The following ALCAM variants were observed in gnomAD, a reference collection of about 807,000 sequenced individuals.
ALCAM encodes the protein activated leukocyte cell adhesion molecule.
Under a neutral mutation model 70.9 loss-of-function variants are expected in ALCAM, and 30 were observed. The observed-to-expected ratio is 0.42, with a 90% CI of 0.32 to 0.57. The LOEUF (loss-of-function observed/expected upper bound fraction) is 0.57, where lower values mean the gene tolerates loss of function less well. Ranked by LOEUF, ALCAM falls within the 20% of genes least tolerant of loss-of-function variation. ALCAM has a pLI of 0.11. For synonymous variants in ALCAM, 249 were observed against 242.5 expected (o/e 1.03, Z -0.25); for missense variants, 591 against 695.1 (o/e 0.85, Z 1.68).
intron 1 of ALCAM, among the ~76,000 whole-genome samples, chr3:105,378,632 T>G (rs1408526843): frequency 9.0e-6 from 1 of 111,524 alleles, no homozygotes; most frequent in Non-Finnish European, 2.2e-5. Context: ...TCAAATAGTT[T>G]TTTTTTTTTT....
intron 1 of ALCAM, among the ~76,000 whole-genome samples, chr3:105,430,906 G>C (rs1936913714): frequency 6.6e-6 from 1 of 151,910 alleles, no homozygotes; most frequent in Admixed American, 6.6e-5. Context: ...ATGAATTATA[G>C]TCCATTACTA....
chr3:105,432,619 G>A (rs1325357578), intron 1 of ALCAM, among the ~76,000 whole-genome samples: 1 of 151,976 alleles, frequency 6.6e-6, no homozygotes, highest in East Asian at 1.9e-4. Context: ...CCTCATATGG[G>A]TTTTAATGAG....
intron 1 of ALCAM, among the ~76,000 whole-genome samples, chr3:105,461,801 T>G (rs1486737179): frequency 6.6e-6 from 1 of 151,712 alleles, no homozygotes; most frequent in Non-Finnish European, 1.5e-5. Flanking sequence ...TACATAGAAA[T>G]ATTAATTAAT....
At chr3:105,550,346 T>C (rs1350885433) in intron 12 of ALCAM, 87 bp downstream of exon 12, 12 of 1,281,416 alleles carry the variant, frequency 9.4e-6, no homozygotes, top group Non-Finnish European at 1.3e-5. Flanking sequence ...CATCTTCCTG[T>C]ACTGCATTAT....
intron 14 of ALCAM, 109 bp from the exon 15 acceptor site, chr3:105,571,743 C>T: frequency 1.2e-6 from 1 of 818,082 alleles, no homozygotes. Context: ...TAGCGGTTTG[C>T]TGTAAAACAT....
intron 1 of ALCAM, among the ~76,000 whole-genome samples, chr3:105,501,022 A>G (rs576756652): frequency 6.6e-6 from 1 of 152,286 alleles, no homozygotes; most frequent in African/African-American, 2.4e-5. Context: ...TACTCTTTAC[A>G]TTGAATCTCT....
At chr3:105,433,814 A>G (rs1447147785) in intron 1 of ALCAM, among the ~76,000 whole-genome samples, 1 of 150,724 alleles carries the variant, frequency 6.6e-6, no homozygotes, top group Non-Finnish European at 1.5e-5. Flanking sequence ...ACTGGATTAT[A>G]GACAGTGCAT....
chr3:105,541,507 G>A (rs1940114613), intron 7 of ALCAM, 126 bp from the exon 8 acceptor site: 1 of 1,014,482 alleles, frequency 9.9e-7, no homozygotes, highest in Non-Finnish European at 1.4e-6. Flanking sequence ...TACTCTTTTT[G>A]TGTGATCAAT....
chr3:105,507,601 GCTCATTT>G (rs1319760835), intron 1 of ALCAM, among the ~76,000 whole-genome samples: 23 of 151,996 alleles, frequency 1.5e-4, no homozygotes, highest in African/African-American at 5.3e-4. Context: ...TGGCTTGCTG[GCTCATTT>G]CTTTTTATTG....
intron 12 of ALCAM, among the ~76,000 whole-genome samples, chr3:105,550,469 T>G (rs1040282282): frequency 2.6e-5 from 4 of 151,512 alleles, no homozygotes; most frequent in Non-Finnish European, 4.4e-5. Context: ...TCATTTCATG[T>G]TTTATGGGTC....
intron 1 of ALCAM, among the ~76,000 whole-genome samples, chr3:105,426,742 T>A (rs1173042681): frequency 6.6e-6 from 1 of 151,826 alleles, no homozygotes; most frequent in Non-Finnish European, 1.5e-5. Context: ...GATTGTTAAC[T>A]TCCTATGCAA....
chr3:105,469,746 G>A (rs1559802277), intron 1 of ALCAM, among the ~76,000 whole-genome samples: 1 of 151,020 alleles, frequency 6.6e-6, no homozygotes, highest in Non-Finnish European at 1.5e-5. Context: ...TTTAACTGCT[G>A]TTATCACCTT....
chr3:105,398,310 GA>G (rs1400699092), intron 1 of ALCAM, among the ~76,000 whole-genome samples: 1 of 151,754 alleles, frequency 6.6e-6, no homozygotes, highest in East Asian at 1.9e-4. Context: ...TTTTTCAGAA[GA>G]AAAAATGCTT....
At chr3:105,558,629 T>A (rs142088247) in intron 14 of ALCAM, among the ~76,000 whole-genome samples, 36 of 152,102 alleles carry the variant, frequency 2.4e-4, no homozygotes, top group African/African-American at 8.2e-4. Flanking sequence ...CCAAAAAAGG[T>A]CTTAAATCTT....
Position 105,552,589 on chromosome 3 carries a change from A to C in ALCAM, c.1664+4A>C. 1 of 1,610,948 alleles carries C rather than the reference A, an allele frequency of 6.2e-7. No homozygotes were observed. Among genetic ancestry groups the C allele is most frequent in the Non-Finnish European group, 8.5e-7 (1 of 1,177,862 alleles). On this transcript the variant is annotated splice_donor_region_variant and intron_variant, in intron 14 of 15. Transcript: ENST00000306107. Reference sequence around the variant, plus strand: ...GGCTGTACATGAAGAAGTCAAAGTGAGTTGTGGAAAAAAGATCTTCATCGT... The same window carrying C: ...GGCTGTACATGAAGAAGTCAAAGTGCGTTGTGGAAAAAAGATCTTCATCGT...
chr3:105,495,017 G>T (rs73189046), intron 1 of ALCAM, among the ~76,000 whole-genome samples: 1 of 151,794 alleles, frequency 6.6e-6, no homozygotes, highest in Non-Finnish European at 1.5e-5. Flanking sequence ...TATTCTTATC[G>T]CAACTCCCAG....
chr3:105,485,600 A>G lies in ALCAM; in HGVS notation c.74-34467A>G, dbSNP rs139300878. Among the ~76,000 whole-genome samples, 318 of 152,174 alleles carry G rather than the reference A, an allele frequency of 2.1e-3. 3 individuals are homozygous for G. The highest frequency in any genetic ancestry group is 7.3e-3 in the African/African-American group (304 of 41,574). ...ATTCATTTATTTAATAAATATACAC[A>G]TAGTAAATATTTATTACTATTATCA... On this transcript the variant is annotated intron_variant, in intron 1 of 15. Transcript: ENST00000306107.
intron 15 of ALCAM, 76 bp downstream of exon 15, chr3:105,572,040 T>C (rs1940869863): frequency 1.3e-6 from 1 of 785,642 alleles, no homozygotes; most frequent in Non-Finnish European, 2.0e-6. Context: ...AAGTCCTTTA[T>C]GTTAAGATGC....
intron 1 of ALCAM, among the ~76,000 whole-genome samples, chr3:105,389,586 AATTTT>A (rs1179773447): frequency 4.0e-5 from 6 of 151,276 alleles, no homozygotes; most frequent in Non-Finnish European, 5.9e-5. Flanking sequence ...TTTTACATTT[AATTTT>A]ATTTTAAGTT....
Sources: allele counts gnomAD v4.1 joint callset (sites outside exome capture counted in the v4.1 genomes callset), GRCh38; gene constraint gnomAD v4.1.1; transcripts MANE v1.5; gene names NCBI Gene and HGNC (gene_info 2026-07-23, HGNC 2026-07-21).